Variants in ASIC2 observed in about 807,000 individuals in gnomAD.
ASIC2 encodes acid-sensing ion channel 2.
A neutral mutation model predicts 57.3 loss-of-function variants in ASIC2; 25 were observed. The ratio of observed to expected loss-of-function variants is 0.44; its 90% CI spans 0.32 to 0.61. The LOEUF (loss-of-function observed/expected upper bound fraction) is 0.61. ASIC2 is among the 20% of genes least tolerant of loss of function. The pLI, the probability that ASIC2 is intolerant of heterozygous loss-of-function variation, is 0.06. For missense variants in ASIC2, 641 were observed against 738.1 expected, an observed-to-expected ratio of 0.87 and a Z score of 1.52; for synonymous variants, 319 against 307.5, an observed-to-expected ratio of 1.04 and a Z score of -0.39.
chr17:33,464,168 T>G (rs1221559531), intron 1 of ASIC2, among the ~76,000 whole-genome samples: 1 of 152,204 alleles, frequency 6.6e-6, no homozygotes, highest in Admixed American at 6.5e-5. Context: ...TTTGTATCCT[T>G]TGTTTGCCAA....
intron 1 of ASIC2, among the ~76,000 whole-genome samples, chr17:33,695,080 A>T (rs994899292): frequency 2.6e-5 from 4 of 152,192 alleles, no homozygotes; most frequent in Admixed American, 2.6e-4. Flanking sequence ...AAAATATATC[A>T]CAAAAAAAGT....
chr17:33,496,603 GTTTTTTTTTTTTTTTTTTTT>G (rs61267122), intron 1 of ASIC2, among the ~76,000 whole-genome samples: 2 of 70,996 alleles, frequency 2.8e-5, no homozygotes, highest in East Asian at 5.8e-4. Context: ...GTTATTGTAG[GTTTTTTTTTTTTTTTTTTTT>G]TTTTTTTTTT....
intron 1 of ASIC2, among the ~76,000 whole-genome samples, chr17:33,921,000 A>T (rs1480165377): frequency 6.6e-6 from 1 of 152,252 alleles, no homozygotes; most frequent in Non-Finnish European, 1.5e-5. Context: ...CAGGGAACCA[A>T]TACATAGAAA....
intron 1 of ASIC2, among the ~76,000 whole-genome samples, chr17:33,136,149 TG>T (rs1289551149): frequency 1.3e-5 from 2 of 152,216 alleles, no homozygotes; most frequent in Non-Finnish European, 2.9e-5. Flanking sequence ...ATACATGTAC[TG>T]GGGGTGTGGA....
rs559462781 is a variant in ASIC2 at position 34,005,631 on chromosome 17, A to G, written c.555+150347T>C. 4.6e-5 allele frequency: 7 copies of G among 152,294 alleles called. No individual in the cohort carries two copies. In the East Asian group the frequency reaches 1.4e-3, roughly 29 times the overall value. 9.4% of individuals were successfully genotyped at this position (152,294 alleles called of 1,614,324 possible). A position where few individuals can be genotyped will look rare whatever the true frequency, so the allele number is the denominator to read the frequency against. ...CACCTCTGGGCCACCATTCATATAG[A>G]TCCACCTTTCTGGGATGATTTTACC... is the stretch of plus-strand genomic sequence containing the variant. On this transcript the variant is annotated intron_variant, in intron 1 of 9. Transcript: ENST00000359872.
At chr17:33,667,586 G>C (rs1907516251) in intron 1 of ASIC2, among the ~76,000 whole-genome samples, 1 of 152,174 alleles carries the variant, frequency 6.6e-6, no homozygotes, top group Non-Finnish European at 1.5e-5. Context: ...TTTTGGTTCT[G>C]GCTCTGTTGC....
At chr17:33,047,342 C>T (rs2091959751) in intron 3 of ASIC2, among the ~76,000 whole-genome samples, 1 of 151,984 alleles carries the variant, frequency 6.6e-6, no homozygotes, top group African/African-American at 2.4e-5. Context: ...CCTCCCCCCA[C>T]TTTTTGTTTT....
intron 1 of ASIC2, among the ~76,000 whole-genome samples, chr17:33,422,517 G>A (rs761865886): frequency 3.9e-5 from 6 of 152,182 alleles, no homozygotes; most frequent in African/African-American, 7.2e-5. Context: ...CAATGCCATC[G>A]TAGAGTGAGG....
intron 1 of ASIC2, among the ~76,000 whole-genome samples, chr17:34,012,555 T>C (rs1165976663): frequency 1.3e-5 from 2 of 152,186 alleles, no homozygotes; most frequent in African/African-American, 2.4e-5. Context: ...TAGGGAGCTT[T>C]TCCTGATGAG....
intron 1 of ASIC2, among the ~76,000 whole-genome samples, chr17:33,873,734 T>C (rs190420611): frequency 6.6e-6 from 1 of 152,242 alleles, no homozygotes; most frequent in African/African-American, 2.4e-5. Context: ...CATGCCTGTC[T>C]AACCTTGTGC....
At chr17:33,161,759 G>C (rs1257054278) in intron 1 of ASIC2, among the ~76,000 whole-genome samples, 2 of 151,658 alleles carry the variant, frequency 1.3e-5, no homozygotes, top group Non-Finnish European at 2.9e-5. Flanking sequence ...AACCTCACTA[G>C]GATCCCAGGA....
At chr17:33,835,070 T>C (rs1913234912) in intron 1 of ASIC2, among the ~76,000 whole-genome samples, 1 of 152,224 alleles carries the variant, frequency 6.6e-6, no homozygotes, top group African/African-American at 2.4e-5. Flanking sequence ...GTGATCTGCA[T>C]TCTCATGGAA....
At chr17:34,037,522 T>G in intron 1 of ASIC2, 3 of 1,261,400 alleles carry the variant, frequency 2.4e-6, no homozygotes, top group Non-Finnish European at 3.3e-6. Flanking sequence ...GGTACAGGTT[T>G]CATCAGATCC....
At chr17:33,537,777 G>T (rs1051426980) in intron 1 of ASIC2, among the ~76,000 whole-genome samples, 1 of 152,200 alleles carries the variant, frequency 6.6e-6, no homozygotes, top group Non-Finnish European at 1.5e-5. Flanking sequence ...AAACAGAACA[G>T]AAAGTTTGAT....
chr17:33,329,755 C>T (rs1005126562), intron 1 of ASIC2, among the ~76,000 whole-genome samples: 7 of 151,466 alleles, frequency 4.6e-5, no homozygotes, highest in African/African-American at 1.2e-4. Context: ...TTTTTTCCTT[C>T]GCCTTCACAA....
At chr17:33,624,773 A>G (rs1245228202) in intron 1 of ASIC2, among the ~76,000 whole-genome samples, 1 of 152,220 alleles carries the variant, frequency 6.6e-6, no homozygotes, top group Non-Finnish European at 1.5e-5. Flanking sequence ...ACAAATGAAG[A>G]TGGTTGCTTA....
intron 1 of ASIC2, among the ~76,000 whole-genome samples, chr17:33,705,785 C>A (rs563965604): frequency 3.7e-4 from 57 of 152,260 alleles, no homozygotes; most frequent in African/African-American, 1.3e-3. Context: ...GAATAAATTT[C>A]TGTTGTTTTA....
rs140311765 is a variant in ASIC2, at chr17:33,277,075, C to T, written c.708+14333G>A. Among the ~76,000 whole-genome samples, 18 of 152,268 alleles carry T rather than the reference C, an allele frequency of 1.2e-4. No individual in the cohort carries two copies. In the East Asian group the frequency reaches 3.3e-3, roughly 28 times the overall value. ...AGGCTCCACCTACTAAGCCAGAATC[C>T]GCATTTTTGCAATATTCCCAGGTGA... On this transcript the variant is annotated intron_variant, in intron 1 of 9. Transcript: ENST00000225823.
chr17:33,249,101 A>G (rs1382605414), intron 1 of ASIC2, among the ~76,000 whole-genome samples: 1 of 152,120 alleles, frequency 6.6e-6, no homozygotes, highest in East Asian at 1.9e-4. Context: ...GGTAAGGCCA[A>G]TAGGATTTTC....
Sources: allele counts gnomAD v4.1 joint callset (sites outside exome capture counted in the v4.1 genomes callset), GRCh38; gene constraint gnomAD v4.1.1; transcripts MANE v1.5; gene names NCBI Gene and HGNC (gene_info 2026-07-23, HGNC 2026-07-21).